The following TBC1D14 variants were observed in gnomAD, a reference collection of about 807,000 sequenced individuals.
The protein encoded by TBC1D14 is TBC1 domain family member 14, also known as TBC1 domain family, member 14.
TBC1D14 carries 26 observed loss-of-function variants against 79.0 expected under a neutral mutation model. The observed-to-expected ratio is 0.33, with a 90% CI of 0.24 to 0.46. The LOEUF (loss-of-function observed/expected upper bound fraction) is 0.46, where lower values mean the gene tolerates loss of function less well. TBC1D14 is among the 20% of genes least tolerant of loss of function. The pLI, the probability that TBC1D14 is intolerant of heterozygous loss-of-function variation, is 1.00. For missense variants in TBC1D14, 769 were observed against 887.6 expected (o/e 0.87, Z 1.70); for synonymous variants, 394 against 349.9 (o/e 1.13, Z -1.40).
intron 3 of TBC1D14, among the ~76,000 whole-genome samples, chr4:6,988,885 C>CTTTCTTTCTT (rs748889966): frequency 2.6e-5 from 2 of 76,808 alleles, no homozygotes; most frequent in Non-Finnish European, 4.6e-5. Context: ...TTCTTTCTTT[C>CTTTCTTTCTT]TTTTTTTTTT....
At position 7,032,393 on chromosome 4, in the gene TBC1D14, C is replaced by T. The variant is rs1387146710; in HGVS notation, c.*2001C>T. 6.6e-6 allele frequency: 1 copy of T among 152,656 alleles called. No individual in the cohort carries two copies. Among genetic ancestry groups the T allele is most frequent in the African/African-American group, 2.4e-5 (1 of 41,448 alleles). The allele number at this position is 152,656 out of a possible 1,614,324, so 9.5% of individuals were successfully genotyped here. The stretch of plus-strand genomic sequence containing the variant: ...GTACAGAAGGTGGCGCGGCAAAGGG[C>T]CTCGTGCAGTGTGTTCAGATTGCCC... On this transcript the variant is annotated 3_prime_UTR_variant, in exon 14 of 14. Transcript: ENST00000409757.
chr4:6,985,951 A>T (rs1011362527), intron 3 of TBC1D14, among the ~76,000 whole-genome samples: 2 of 152,252 alleles, frequency 1.3e-5, no homozygotes, highest in African/African-American at 4.8e-5. Flanking sequence ...TAATAAATGT[A>T]TACAGTTATG....
intron 13 of TBC1D14, 69 bp from the exon 14 acceptor site, chr4:7,030,258 C>T: frequency 6.6e-7 from 1 of 1,514,590 alleles, no homozygotes. Flanking sequence ...ACTGCTGTCT[C>T]TGCTTCGCTG....
intron 9 of TBC1D14, chr4:7,007,618 G>A (rs1420116143): frequency 7.8e-7 from 1 of 1,288,832 alleles, no homozygotes; most frequent in Non-Finnish European, 1.0e-6. Context: ...CTTTGGTCCT[G>A]GTGTCTGGTG....
At chr4:7,002,182 G>A (rs1008826647) in intron 7 of TBC1D14, among the ~76,000 whole-genome samples, 2 of 152,194 alleles carry the variant, frequency 1.3e-5, no homozygotes, top group African/African-American at 4.8e-5. Flanking sequence ...TGTGCGGTGT[G>A]GTCCTACAGA....
intron 3 of TBC1D14, among the ~76,000 whole-genome samples, chr4:6,984,657 C>T (rs1717659150): frequency 6.6e-6 from 1 of 152,220 alleles, no homozygotes; most frequent in East Asian, 1.9e-4. Context: ...CTGATGGTTT[C>T]ATGTCTGCCC....
Position 7,001,847 on chromosome 4 carries a change from G to C in TBC1D14, c.1270+596G>C, listed in dbSNP as rs145140226. Among the ~76,000 whole-genome samples the C allele has an allele frequency of 2.4e-4, 37 of 152,266 alleles. No homozygotes were observed. In the East Asian group the frequency reaches 6.9e-3, roughly 29 times the overall value. ...TCTGAAGCGCGTCCAGAGTGAAATA[G>C]GTGCCAGGAGCCCGCAGACTTCAAA... On this transcript the variant is annotated intron_variant, in intron 7 of 13. Transcript: ENST00000409757.
In TBC1D14 at chr4:7,030,377, G is replaced by A. The variant is rs17854096; in HGVS notation, c.2067G>A (p.Pro689=). The A allele has an allele frequency of 0.014, 22,721 of 1,613,942 alleles. 232 individuals carry two copies. Among genetic ancestry groups the A allele is most frequent in the Non-Finnish European group, 0.018 (21,395 of 1,179,834 alleles). Residue 689 remains proline, a synonymous_variant, in exon 14 of 14, where the codon CCG becomes CCA. Coordinates refer to ENST00000409757, the MANE Select transcript of TBC1D14 (RefSeq NM_020773.3). The stretch of plus-strand genomic sequence containing the variant: ...GCCGGGAAATGGAGAAGGGAAGTCC[G>A]TCCCTCCGACACTGAGGCTGCAGCG... ...KDSREMEKGS[P]SLRH
intron 3 of TBC1D14, among the ~76,000 whole-genome samples, chr4:6,992,858 G>A (rs1718646761): frequency 6.6e-6 from 1 of 152,200 alleles, no homozygotes; most frequent in Non-Finnish European, 1.5e-5. Context: ...GTAAGTGGAA[G>A]TAATTTTAGA....
chr4:6,914,046 G>A (rs1276313063), intron 1 of TBC1D14, among the ~76,000 whole-genome samples: 1 of 151,838 alleles, frequency 6.6e-6, no homozygotes, highest in Non-Finnish European at 1.5e-5. Flanking sequence ...ATGCTGAGGT[G>A]GGAGGCTCAC....
intron 12 of TBC1D14, among the ~76,000 whole-genome samples, chr4:7,017,621 T>C (rs558569755): frequency 6.6e-6 from 1 of 152,326 alleles, no homozygotes; most frequent in African/African-American, 2.4e-5. Flanking sequence ...GCCTTTGTGC[T>C]GTGAGCTGGT....
rs201115716 is a variant in TBC1D14, at chr4:6,934,664, AC to A, written c.722+10554del. ...CAGAGCGAGACTCTGTCTCAAAAAAACAAAAAAGGAAAAAATGAAAAGAATT... is the reference window on the plus strand; with the variant it reads ...CAGAGCGAGACTCTGTCTCAAAAAAAAAAAAAGGAAAAAATGAAAAGAATT... On this transcript the variant is annotated intron_variant, in intron 2 of 13. Transcript: ENST00000409757. Among the ~76,000 whole-genome samples, 1,231 of 150,044 alleles carry A rather than the reference AC, an allele frequency of 8.2e-3. 5 individuals are homozygous for A. Among genetic ancestry groups the A allele is most frequent in the Middle Eastern group, 0.021 (6 of 290 alleles).
At position 7,032,048 on chromosome 4, in the gene TBC1D14, A is replaced by G. The variant is rs987636252; in HGVS notation, c.*1656A>G. On this transcript the variant is annotated 3_prime_UTR_variant, in exon 14 of 14. Transcript: ENST00000409757. ...GTCACGTTTCCCGGACTCTGCCCCT[A>G]CATCTCAGCTGAATCTCCAGGGAGG... is the stretch of plus-strand genomic sequence containing the variant. The G allele has an allele frequency of 2.0e-5, 3 of 152,310 alleles. No individual in the cohort carries two copies. The highest frequency in any genetic ancestry group is 2.0e-4 in the Admixed American group (3 of 15,282). 9.4% of individuals were successfully genotyped at this position (152,310 alleles called of 1,614,324 possible). A position where few individuals can be genotyped will look rare whatever the true frequency, so the allele number is the denominator to read the frequency against.
In TBC1D14 at chr4:6,923,728, A is replaced by G. The variant is rs776959745; in HGVS notation, c.339A>G (p.Pro113=). 2 of 1,613,902 alleles carry G rather than the reference A, an allele frequency of 1.2e-6. No homozygotes were observed. Among genetic ancestry groups the G allele is most frequent in the South Asian group, 1.1e-5 (1 of 91,082 alleles). Residue 113 remains proline (P), a synonymous_variant, in exon 2 of 14, where the codon CCA becomes CCG. Transcript: ENST00000409757. ...GCGCGCTGCCATCCTGTGCGCCACCAGCTCCTAGCAGCACCGAGCGGGAAC... is the reference window on the plus strand; with the variant it reads ...GCGCGCTGCCATCCTGTGCGCCACCGGCTCCTAGCAGCACCGAGCGGGAAC... ...SACALPSCAP[P]APSSTEREQS...
rs1197372037 is a variant in TBC1D14, at chr4:6,978,116, TG to T, written c.843+10699del. Reference sequence around the variant, plus strand: ...CCAGCCGCCCCATCCGGGAGGGAGGTGGGGGGGTCAGCCCCCCGCCCGGCTA... The same window carrying T: ...CCAGCCGCCCCATCCGGGAGGGAGGTGGGGGGTCAGCCCCCCGCCCGGCTA... On this transcript the variant is annotated intron_variant, in intron 3 of 13. Transcript: ENST00000409757. Among the ~76,000 whole-genome samples, 7 of 139,032 alleles carry T rather than the reference TG, an allele frequency of 5.0e-5. 1 individual carries two copies. The highest frequency in any genetic ancestry group is 2.1e-4 in the East Asian group (1 of 4,654). 91.2% of individuals were successfully genotyped at this position (139,032 alleles called of 152,430 possible).
intron 1 of TBC1D14, among the ~76,000 whole-genome samples, chr4:6,922,854 CTTTG>C (rs1020759305): frequency 6.6e-6 from 1 of 152,070 alleles, no homozygotes. Flanking sequence ...CGGGTGCATC[CTTTG>C]TTTGGGTTAT....
At chr4:6,948,808 T>A (rs1336719061) in intron 2 of TBC1D14, among the ~76,000 whole-genome samples, 2 of 151,420 alleles carry the variant, frequency 1.3e-5, no homozygotes, top group African/African-American at 2.4e-5. Flanking sequence ...CAAGCGATTC[T>A]TCTGCCTCAG....
rs890328074 is a variant in TBC1D14, at chr4:7,001,081, C to A, written c.1164-64C>A. ...CAGCTCTTGGTGGTTCGGGGCTAGG[C>A]ACGCAGGTAGACAAATGTCTTTGTG... On this transcript the variant is annotated intron_variant, in intron 6 of 13. Transcript: ENST00000409757. 33 of 1,432,984 alleles carry A rather than the reference C, an allele frequency of 2.3e-5. No individual in the cohort carries two copies. In the South Asian group the frequency reaches 3.9e-4, roughly 17 times the overall value. The allele number at this position is 1,432,984 out of a possible 1,614,324, so 88.8% of individuals were successfully genotyped here.
chr4:6,962,753 A>AGGGACTCCTTCCTGCTGAGAG (rs1405997467), intron 2 of TBC1D14, among the ~76,000 whole-genome samples: 18 of 151,898 alleles, frequency 1.2e-4, no homozygotes, highest in African/African-American at 4.3e-4. Context: ...TTCTTTTCAG[A>AGGGACTCCTTCCTGCTGAGAG]GGGACTCCTT....
Sources: allele counts gnomAD v4.1 joint callset (sites outside exome capture counted in the v4.1 genomes callset), GRCh38; gene constraint gnomAD v4.1.1; transcripts MANE v1.5; gene names NCBI Gene and HGNC (gene_info 2026-07-23, HGNC 2026-07-21).